Variants in BBOX1 observed in about 807,000 individuals in gnomAD.
BBOX1 encodes gamma-butyrobetaine hydroxylase 1.
Under a neutral mutation model 41.6 loss-of-function variants are expected in BBOX1, and 35 were observed. The observed-to-expected ratio is 0.84, with a 90% CI of 0.64 to 1.11. The LOEUF (loss-of-function observed/expected upper bound fraction) is 1.11. Among genes scored for constraint, BBOX1 ranks in the 50% most tolerant of loss-of-function variants. BBOX1 has a pLI of 0.00. For missense variants in BBOX1, 458 were observed against 460.6 expected (o/e 0.99, Z 0.05); for synonymous variants, 163 against 154.7 (o/e 1.05, Z -0.40).
intron 5 of BBOX1, among the ~76,000 whole-genome samples, chr11:27,112,659 G>A (rs1859113051): frequency 6.6e-6 from 1 of 151,898 alleles, no homozygotes; most frequent in Admixed American, 6.6e-5. Flanking sequence ...TTCAACTCAA[G>A]ATGAATTAAA....
chr11:27,089,157 G>T (rs566169013), intron 4 of BBOX1, among the ~76,000 whole-genome samples: 70 of 151,184 alleles, frequency 4.6e-4, no homozygotes, highest in African/African-American at 1.6e-3. Flanking sequence ...ATCTAGTGCA[G>T]TACCAGTCAC....
At chr11:27,086,311 C>G (rs1858038803) in intron 4 of BBOX1, among the ~76,000 whole-genome samples, 1 of 152,028 alleles carries the variant, frequency 6.6e-6, no homozygotes, top group African/African-American at 2.4e-5. Context: ...CAGACTGACC[C>G]TTTTGTTAGG....
At chr11:27,054,270 T>C (rs1387097850) in intron 2 of BBOX1, among the ~76,000 whole-genome samples, 1 of 150,382 alleles carries the variant, frequency 6.6e-6, no homozygotes, top group African/African-American at 2.4e-5. Context: ...TACTTCCCCT[T>C]CATCTCAAGG....
chr11:27,125,094 ATAGG>A (rs1356650260), intron 7 of BBOX1, among the ~76,000 whole-genome samples: 1 of 152,198 alleles, frequency 6.6e-6, no homozygotes, highest in Non-Finnish European at 1.5e-5. Context: ...CAATACTAAG[ATAGG>A]TAGGATGAGT....
At chr11:27,078,097 T>C (rs1211371354) in intron 4 of BBOX1, among the ~76,000 whole-genome samples, 1 of 152,110 alleles carries the variant, frequency 6.6e-6, no homozygotes, top group Non-Finnish European at 1.5e-5. Flanking sequence ...CATGACTTAT[T>C]CTTCTCTTTC....
chr11:27,055,232 C>G (rs945996606), intron 2 of BBOX1, 161 bp from the exon 3 acceptor site: 6 of 529,940 alleles, frequency 1.1e-5, no homozygotes, highest in African/African-American at 3.8e-5. Flanking sequence ...ATGTGAAATA[C>G]TCTCACCAGA....
chr11:27,099,452 G>T (rs1858564358), intron 5 of BBOX1, among the ~76,000 whole-genome samples: 1 of 151,918 alleles, frequency 6.6e-6, no homozygotes, highest in African/African-American at 2.4e-5. Context: ...TGTGGATCTT[G>T]GTGGTAGTCA....
At chr11:27,054,658 C>A (rs780932673) in intron 2 of BBOX1, among the ~76,000 whole-genome samples, 1 of 152,024 alleles carries the variant, frequency 6.6e-6, no homozygotes. Context: ...AAGGTATACA[C>A]AAGTACTCCA....
intron 4 of BBOX1, among the ~76,000 whole-genome samples, chr11:27,083,577 T>TTTAGC (rs1225826418): frequency 6.6e-6 from 1 of 152,116 alleles, no homozygotes; most frequent in Non-Finnish European, 1.5e-5. Context: ...ATAGCTTCTC[T>TTTAGC]TTAGCTTGGT....
chr11:27,092,208 T>A (rs1858270647), intron 4 of BBOX1, among the ~76,000 whole-genome samples: 1 of 151,952 alleles, frequency 6.6e-6, no homozygotes, highest in Non-Finnish European at 1.5e-5. Context: ...ATTTTGTTTC[T>A]ATAAAATGAC....
At chr11:27,073,366 C>A (rs1391684199) in intron 4 of BBOX1, among the ~76,000 whole-genome samples, 1 of 152,068 alleles carries the variant, frequency 6.6e-6, no homozygotes, top group Non-Finnish European at 1.5e-5. Context: ...AATGAGATAC[C>A]ATCTCACACC....
chr11:27,045,865 C>A (rs1851472775), intron 2 of BBOX1, among the ~76,000 whole-genome samples: 2 of 152,158 alleles, frequency 1.3e-5, no homozygotes, highest in Admixed American at 6.5e-5. Flanking sequence ...TGTATAATAA[C>A]TATAAAGTTT....
intron 4 of BBOX1, among the ~76,000 whole-genome samples, chr11:27,070,601 C>T (rs1213233667): frequency 1.3e-5 from 2 of 151,680 alleles, no homozygotes; most frequent in African/African-American, 4.8e-5. Flanking sequence ...CTTTTGGTTT[C>T]TATTTGCATG....
chr11:27,115,583 A>C, intron 6 of BBOX1, 26 bp downstream of exon 6: 1 of 1,567,318 alleles, frequency 6.4e-7, no homozygotes, highest in Non-Finnish European at 8.8e-7. Context: ...CATATTTTCC[A>C]CAAAGCATGA....
At chr11:27,123,350 C>T (rs150081153) in intron 7 of BBOX1, among the ~76,000 whole-genome samples, 3 of 152,074 alleles carry the variant, frequency 2.0e-5, no homozygotes, top group Non-Finnish European at 4.4e-5. Flanking sequence ...TTCACTGATA[C>T]ATGAGGATAT....
At position 27,055,581 on chromosome 11, in the gene BBOX1, CG is replaced by C. The variant is rs754381876; in HGVS notation, c.153del (p.Lys52AsnfsTer3). ...TTGCTACCTGGATTCTGCAAAAGCA[CG>C]GAAACTTCTAGTGGAAGCTCTTGAT... ...SDCYLDSAKA[R>X]KLLVEALDVN... is the part of the protein sequence containing the mutation. On this transcript the variant is annotated frameshift_variant, in exon 3 of 9. Transcript: ENST00000263182. LOFTEE classifies it high-confidence loss of function. 2 of 1,613,918 alleles carry C rather than the reference CG, an allele frequency of 1.2e-6. No individual in the cohort carries two copies. The highest frequency in any genetic ancestry group is 2.7e-5 in the African/African-American group (2 of 74,876).
At chr11:27,118,267 A>C (rs1375606766) in intron 6 of BBOX1, among the ~76,000 whole-genome samples, 2 of 152,152 alleles carry the variant, frequency 1.3e-5, no homozygotes, top group South Asian at 4.1e-4. Context: ...AAAATAGCAG[A>C]TGATTCCTAA....
At chr11:27,101,030 T>C (rs1858628229) in intron 5 of BBOX1, among the ~76,000 whole-genome samples, 2 of 152,084 alleles carry the variant, frequency 1.3e-5, no homozygotes, top group South Asian at 4.1e-4. Flanking sequence ...CTGAGAAGAA[T>C]CATTAACCCA....
At chr11:27,047,702 C>T (rs775425015) in intron 2 of BBOX1, among the ~76,000 whole-genome samples, 3 of 152,036 alleles carry the variant, frequency 2.0e-5, no homozygotes, top group Non-Finnish European at 2.9e-5. Flanking sequence ...GATAAATCAT[C>T]CGTATGCTAG....
Sources: allele counts gnomAD v4.1 joint callset (sites outside exome capture counted in the v4.1 genomes callset), GRCh38; gene constraint gnomAD v4.1.1; transcripts MANE v1.5; gene names NCBI Gene and HGNC (gene_info 2026-07-23, HGNC 2026-07-21).